CUX1: variants seen among roughly 807,000 people sequenced by gnomAD.
CUX1 encodes cut like homeobox 1.
In CUX1, 31 loss-of-function variants were observed where a neutral mutation model predicts 158.8. The observed-to-expected ratio is 0.20, with a 90% CI of 0.15 to 0.26. The LOEUF (loss-of-function observed/expected upper bound fraction) is 0.26, where lower values mean the gene tolerates loss of function less well. Among genes scored for constraint, CUX1 ranks in the 10% least tolerant of loss-of-function variants. The probability of loss-of-function intolerance (pLI) is 1.00; values close to 1 mark genes in which losing one functional copy is unlikely to be tolerated. For missense variants in CUX1, 1,589 were observed against 2,014.6 expected, an observed-to-expected ratio of 0.79 and a Z score of 4.04; for synonymous variants, 879 against 862.1, an observed-to-expected ratio of 1.02 and a Z score of -0.34.
intron 4 of CUX1, among the ~76,000 whole-genome samples, chr7:102,087,175 T>A (rs1464375744): frequency 6.6e-6 from 1 of 152,214 alleles, no homozygotes. Context: ...CTATTTGTCT[T>A]GCCTGTTTTT....
At chr7:102,032,204 C>T (rs1820870073) in intron 3 of CUX1, among the ~76,000 whole-genome samples, 1 of 151,860 alleles carries the variant, frequency 6.6e-6, no homozygotes, top group Non-Finnish European at 1.5e-5. Context: ...GCTGGGATTA[C>T]AGGCATGGGC....
intron 3 of CUX1, among the ~76,000 whole-genome samples, chr7:102,068,654 C>T (rs1378391651): frequency 1.3e-5 from 2 of 152,162 alleles, no homozygotes; most frequent in Non-Finnish European, 2.9e-5. Context: ...ACAAACTGCC[C>T]GGTGGCTCAG....
intron 21 of CUX1, among the ~76,000 whole-genome samples, chr7:102,282,529 C>T (rs1334064686): frequency 5.3e-5 from 8 of 152,126 alleles, no homozygotes; most frequent in East Asian, 3.9e-4. Flanking sequence ...GAGGTGCCTC[C>T]GTGTCTGGGC....
intron 8 of CUX1, among the ~76,000 whole-genome samples, chr7:102,152,353 A>G (rs1220194727): frequency 3.9e-5 from 6 of 152,196 alleles, no homozygotes. Flanking sequence ...CAGACCCTGT[A>G]TCAAAAATAA....
At chr7:102,025,883 T>G (rs1443151327) in intron 2 of CUX1, among the ~76,000 whole-genome samples, 1 of 152,032 alleles carries the variant, frequency 6.6e-6, no homozygotes, top group Admixed American at 6.6e-5. Flanking sequence ...GTCAAAAAAC[T>G]TGTGGTACAG....
At chr7:101,937,724 G>A (rs1483936775) in intron 2 of CUX1, among the ~76,000 whole-genome samples, 2 of 151,986 alleles carry the variant, frequency 1.3e-5, no homozygotes, top group Admixed American at 1.3e-4. Context: ...TGTTGGCCAG[G>A]GTGGTCTCGA....
At chr7:101,984,123 TATATATAC>T (rs796144004) in intron 2 of CUX1, among the ~76,000 whole-genome samples, 6,304 of 41,848 alleles carry the variant, frequency 0.15, 911 homozygotes, top group East Asian at 0.27. Context: ...TATATATATA[TATATATAC>T]ACACACACAT....
chr7:102,275,413 G>A, intron 17 of CUX1: 3 of 1,370,458 alleles, frequency 2.2e-6, no homozygotes, highest in Non-Finnish European at 3.1e-6. Flanking sequence ...ACACAGTTGG[G>A]GAACACACAG....
intron 4 of CUX1, among the ~76,000 whole-genome samples, chr7:102,075,122 G>A (rs765673663): frequency 6.6e-6 from 1 of 152,068 alleles, no homozygotes; most frequent in African/African-American, 2.4e-5. Flanking sequence ...GCCTCCAAAA[G>A]TGCTGGGATT....
intron 23 of CUX1, among the ~76,000 whole-genome samples, chr7:102,243,136 T>C (rs1273768874): frequency 6.6e-6 from 1 of 151,768 alleles, no homozygotes; most frequent in Non-Finnish European, 1.5e-5. Flanking sequence ...TAGCCAGGTG[T>C]GGTGGGGTGC....
intron 11 of CUX1, among the ~76,000 whole-genome samples, chr7:102,184,827 G>A (rs1490831177): frequency 1.3e-5 from 2 of 152,048 alleles, no homozygotes; most frequent in Non-Finnish European, 2.9e-5. Context: ...TTAAATTTTT[G>A]TAGAGACAGG....
At chr7:101,968,620 C>T (rs939725520) in intron 2 of CUX1, among the ~76,000 whole-genome samples, 5 of 151,996 alleles carry the variant, frequency 3.3e-5, no homozygotes, top group African/African-American at 1.2e-4. Flanking sequence ...ACAGAATTTT[C>T]CCACGTTGGC....
intron 8 of CUX1, among the ~76,000 whole-genome samples, chr7:102,141,496 G>A (rs756291517): frequency 1.8e-4 from 28 of 152,198 alleles, no homozygotes; most frequent in Non-Finnish European, 3.5e-4. Flanking sequence ...CCTGAGCCAG[G>A]GAGGTGGGCC....
rs547000578 is a variant in CUX1, at chr7:102,184,640, G to C, written c.1018-5173G>C. 1.4e-3 allele frequency among the ~76,000 whole-genome samples: 208 copies of C among 152,206 alleles called. 1 individual carries two copies. The highest frequency in any genetic ancestry group is 1.2e-3 in the Non-Finnish European group (85 of 68,006). On this transcript the variant is annotated intron_variant, in intron 11 of 23. Transcript: ENST00000292535. ...GCCCACGTGTGTTCCTTAGATTCAT[G>C]CATTTTATTTTATTTTATTTTTAAA...
chr7:102,098,478 G>A (rs1473305504), intron 5 of CUX1, among the ~76,000 whole-genome samples: 1 of 152,052 alleles, frequency 6.6e-6, no homozygotes, highest in Non-Finnish European at 1.5e-5. Context: ...GGGCATGGTG[G>A]TGCACACCCG....
intron 4 of CUX1, among the ~76,000 whole-genome samples, chr7:102,074,109 T>C (rs1826442666): frequency 6.6e-6 from 1 of 152,174 alleles, no homozygotes; most frequent in Non-Finnish European, 1.5e-5. Flanking sequence ...AAGGGCCCGG[T>C]CAATAGTGAT....
At chr7:101,958,469 A>ATTTTC (rs1563060594) in intron 2 of CUX1, among the ~76,000 whole-genome samples, 10 of 125,602 alleles carry the variant, frequency 8.0e-5, no homozygotes, top group African/African-American at 1.2e-4. Flanking sequence ...TGGTCCTGAG[A>ATTTTC]TTTTCTTTTC....
intron 18 of CUX1, among the ~76,000 whole-genome samples, chr7:102,278,977 C>T (rs1221684471): frequency 1.3e-5 from 2 of 152,008 alleles, no homozygotes; most frequent in African/African-American, 4.8e-5. Context: ...GAGGTACAGG[C>T]TGCAGTGAGC....
rs187472897 is a variant in CUX1 at position 101,879,827 on chromosome 7, C to A, written c.31-36288C>A. 5.9e-5 allele frequency among the ~76,000 whole-genome samples: 9 copies of A among 152,384 alleles called. No individual in the cohort carries two copies. In the South Asian group the frequency reaches 1.9e-3, roughly 32 times the overall value. ...AGCGTCCAGCTGGCTGAGTGGGGTT[C>A]TCCCAGGGTCTCTAAGCACAGGACA... On this transcript the variant is annotated intron_variant, in intron 1 of 23. Transcript: ENST00000292535.
Sources: allele counts gnomAD v4.1 joint callset (sites outside exome capture counted in the v4.1 genomes callset), GRCh38; gene constraint gnomAD v4.1.1; transcripts MANE v1.5; gene names NCBI Gene and HGNC (gene_info 2026-07-23, HGNC 2026-07-21).